The following GABPB1 variants were observed in gnomAD, a reference collection of about 807,000 sequenced individuals.
GABPB1 encodes the protein GA binding protein transcription factor subunit beta 1.
A neutral mutation model predicts 45.9 loss-of-function variants in GABPB1; 15 were observed. The observed-to-expected ratio is 0.33, with a 90% CI of 0.22 to 0.50. GABPB1 has a LOEUF of 0.50. GABPB1 is among the 20% of genes least tolerant of loss of function. The pLI is 0.98. For missense variants in GABPB1, 252 were observed against 457.5 expected, an observed-to-expected ratio of 0.55 and a Z score of 4.10; for synonymous variants, 143 against 154.4, an observed-to-expected ratio of 0.93 and a Z score of 0.55.
rs2140953551 is a variant in GABPB1, at chr15:50,277,016, T to A, written c.*1616A>T. Reference sequence around the variant, plus strand: ...AGTTCTTCAATTTGCCCTAAACTCTTTTTTAAGTGCTTCCAATAGTAACCA... The same window carrying A: ...AGTTCTTCAATTTGCCCTAAACTCTATTTTAAGTGCTTCCAATAGTAACCA... On this transcript the variant is annotated 3_prime_UTR_variant, in exon 9 of 9. Coordinates refer to ENST00000380877, the MANE Select transcript of GABPB1 (RefSeq NM_016654.5). 1.3e-5 allele frequency: 2 copies of A among 152,326 alleles called. No homozygotes were observed. The highest frequency in any genetic ancestry group is 4.8e-5 in the African/African-American group (2 of 41,584). The allele number at this position is 152,326 out of a possible 1,614,324, so 9.4% of individuals were successfully genotyped here.
chr15:50,317,531 CTAATA>C (rs1277486975), intron 1 of GABPB1, among the ~76,000 whole-genome samples: 5 of 151,480 alleles, frequency 3.3e-5, no homozygotes, highest in South Asian at 4.2e-4. Context: ...GCATATATTA[CTAATA>C]TAATATTAAA....
Position 50,306,963 on chromosome 15 carries a change from T to C in GABPB1, c.108+2728A>G, listed in dbSNP as rs148652444. Among the ~76,000 whole-genome samples, 245 of 152,244 alleles carry C rather than the reference T, an allele frequency of 1.6e-3. 3 individuals are homozygous for C. Among genetic ancestry groups the C allele is most frequent in the Admixed American group, 8.4e-3 (128 of 15,276 alleles). Reference sequence around the variant, plus strand: ...ACCACAATTAATTTAACCAATCTACTGATGAACATTTAGATTGTTTCCAGT... The same window carrying C: ...ACCACAATTAATTTAACCAATCTACCGATGAACATTTAGATTGTTTCCAGT... On this transcript the variant is annotated intron_variant, in intron 2 of 8. Transcript: ENST00000380877.
chr15:50,332,976 A>G (rs2047996906), intron 1 of GABPB1, among the ~76,000 whole-genome samples: 1 of 152,144 alleles, frequency 6.6e-6, no homozygotes, highest in Non-Finnish European at 1.5e-5. Flanking sequence ...TCCTGTCCTA[A>G]GTATATCCTT....
At chr15:50,300,165 CA>C (rs942122686) in intron 6 of GABPB1, among the ~76,000 whole-genome samples, 2 of 152,092 alleles carry the variant, frequency 1.3e-5, no homozygotes, top group South Asian at 2.1e-4. Flanking sequence ...AAATTAGAGA[CA>C]GGGACATTTT....
chr15:50,337,106 TATATATATATATATATATATATA>T (rs1316769224), intron 1 of GABPB1, among the ~76,000 whole-genome samples: 915 of 7,568 alleles, frequency 0.12, 58 homozygotes, highest in South Asian at 0.4. Flanking sequence ...TATATATATA[TATATATATATATATATATATATA>T]ATATGAAGAG....
chr15:50,343,433 A>T (rs1050398150), intron 1 of GABPB1, among the ~76,000 whole-genome samples: 1 of 152,086 alleles, frequency 6.6e-6, no homozygotes, highest in Non-Finnish European at 1.5e-5. Context: ...TGCTGTCTAG[A>T]ACTCTTCACT....
chr15:50,304,154 A>G, intron 2 of GABPB1, 21 bp from the exon 3 acceptor site: 1 of 1,558,604 alleles, frequency 6.4e-7, no homozygotes, highest in South Asian at 1.2e-5. Flanking sequence ...GAAAAAAAAA[A>G]AAATCCACAT....
At chr15:50,284,995 T>C (rs1420257838) in intron 8 of GABPB1, among the ~76,000 whole-genome samples, 1 of 152,148 alleles carries the variant, frequency 6.6e-6, no homozygotes, top group African/African-American at 2.4e-5. Context: ...AACTCAATAA[T>C]ATATTTGTGG....
chr15:50,336,696 A>ACAAACT (rs2048141574), intron 1 of GABPB1, among the ~76,000 whole-genome samples: 1 of 151,992 alleles, frequency 6.6e-6, no homozygotes, highest in African/African-American at 2.4e-5. Flanking sequence ...AGCAAAACTC[A>ACAAACT]CAAACTGCAT....
At chr15:50,330,047 C>T (rs1261127111) in intron 1 of GABPB1, among the ~76,000 whole-genome samples, 1 of 152,010 alleles carries the variant, frequency 6.6e-6, no homozygotes, top group Non-Finnish European at 1.5e-5. Flanking sequence ...GCTGGGACTA[C>T]AGGCACGCAT....
At chr15:50,303,593 A>G (rs944014037) in intron 3 of GABPB1, among the ~76,000 whole-genome samples, 7 of 151,916 alleles carry the variant, frequency 4.6e-5, no homozygotes, top group Admixed American at 3.9e-4. Flanking sequence ...GAGGCAGGAG[A>G]ATCACTTGAA....
chr15:50,286,013 A>T, intron 8 of GABPB1, 55 bp downstream of exon 8: 1 of 1,585,272 alleles, frequency 6.3e-7, no homozygotes, highest in Non-Finnish European at 8.6e-7. Flanking sequence ...GACAAAAAAA[A>T]TTGAATTTAT....
chr15:50,312,869 T>C (rs759335481), intron 1 of GABPB1, among the ~76,000 whole-genome samples: 15 of 152,156 alleles, frequency 9.9e-5, no homozygotes, highest in Non-Finnish European at 1.8e-4. Flanking sequence ...TCTGTCTTTT[T>C]TTTATTGATT....
chr15:50,307,958 T>C (rs1595774912), intron 2 of GABPB1, among the ~76,000 whole-genome samples: 1 of 152,180 alleles, frequency 6.6e-6, no homozygotes, highest in African/African-American at 2.4e-5. Context: ...ATTCCTAACA[T>C]CTCTTTTACA....
intron 6 of GABPB1, among the ~76,000 whole-genome samples, chr15:50,292,169 C>CCGGGCG (rs2046367419): frequency 6.6e-6 from 1 of 151,486 alleles, no homozygotes; most frequent in East Asian, 2.0e-4. Context: ...AAAAAATTAG[C>CCGGGCG]CGGGCGCGGT....
chr15:50,297,582 C>T (rs2046566993), intron 6 of GABPB1, among the ~76,000 whole-genome samples: 1 of 152,192 alleles, frequency 6.6e-6, no homozygotes, highest in Non-Finnish European at 1.5e-5. Context: ...CAGTGGCTCA[C>T]ACCTGTAACC....
intron 1 of GABPB1, among the ~76,000 whole-genome samples, chr15:50,333,998 C>G (rs1270777528): frequency 6.7e-6 from 1 of 150,134 alleles, no homozygotes; most frequent in African/African-American, 2.5e-5. Flanking sequence ...CCATTGCACT[C>G]CAGCCTGGGC....
rs1367980743 is a variant in GABPB1, at chr15:50,278,063, A to G, written c.*569T>C. The G allele has an allele frequency of 6.6e-6, 1 of 152,658 alleles. No homozygotes were observed. Among genetic ancestry groups the G allele is most frequent in the African/African-American group, 2.4e-5 (1 of 41,466 alleles). 9.5% of individuals were successfully genotyped at this position (152,658 alleles called of 1,614,324 possible). A position where few individuals can be genotyped will look rare whatever the true frequency, so the allele number is the denominator to read the frequency against. ...AGAAATTTTTAAAAATATTTGCTTC[A>G]TATACATGTAAATCTACTTGGGTAT... On this transcript the variant is annotated 3_prime_UTR_variant, in exon 9 of 9. Coordinates refer to ENST00000380877, the MANE Select transcript of GABPB1 (RefSeq NM_016654.5).
chr15:50,354,828 C>G (rs958955159), intron 1 of GABPB1, 157 bp downstream of exon 1: 1 of 230,988 alleles, frequency 4.3e-6, no homozygotes, highest in Admixed American at 6.4e-5. Flanking sequence ...GCGGAATAAG[C>G]GGGGCCAGGA....
Sources: allele counts gnomAD v4.1 joint callset (sites outside exome capture counted in the v4.1 genomes callset), GRCh38; gene constraint gnomAD v4.1.1; transcripts MANE v1.5; gene names NCBI Gene and HGNC (gene_info 2026-07-23, HGNC 2026-07-21).